The following CACNA1A variants were observed in gnomAD, a reference collection of about 807,000 sequenced individuals.
CACNA1A encodes calcium voltage-gated channel subunit alpha1 A, also known as voltage-dependent P/Q-type calcium channel subunit alpha-1A.
Under a neutral mutation model 262.4 loss-of-function variants are expected in CACNA1A, and 57 were observed. That is an observed-to-expected ratio of 0.22 (90% CI 0.18 to 0.27). The LOEUF (loss-of-function observed/expected upper bound fraction) is 0.27, where lower values mean the gene tolerates loss of function less well. Among genes scored for constraint, CACNA1A ranks in the 10% least tolerant of loss-of-function variants. CACNA1A has a pLI of 1.00. For missense variants in CACNA1A, 2,526 were observed against 3,562.8 expected, an observed-to-expected ratio of 0.71 and a Z score of 7.41; for synonymous variants, 1,431 against 1,419.3, an observed-to-expected ratio of 1.01 and a Z score of -0.18.
chr19:13,418,177 T>C (rs902792071), intron 3 of CACNA1A, among the ~76,000 whole-genome samples: 11 of 152,124 alleles, frequency 7.2e-5, no homozygotes, highest in Non-Finnish European at 1.5e-4. Flanking sequence ...GTTTTCCCCA[T>C]AGAGAGAAGA....
intron 24 of CACNA1A, among the ~76,000 whole-genome samples, chr19:13,267,280 C>T (rs2056886232): frequency 6.6e-6 from 1 of 152,194 alleles, no homozygotes; most frequent in African/African-American, 2.4e-5. Context: ...ACACACGCAC[C>T]CCTGAGCACC....
At chr19:13,220,843 C>T (rs894140394) in intron 38 of CACNA1A, among the ~76,000 whole-genome samples, 3 of 152,142 alleles carry the variant, frequency 2.0e-5, no homozygotes, top group African/African-American at 7.2e-5. Flanking sequence ...CCAGGCTGAT[C>T]TTGAACTCCT....
chr19:13,311,169 A>G (rs1446754237), intron 12 of CACNA1A, among the ~76,000 whole-genome samples: 1 of 152,210 alleles, frequency 6.6e-6, no homozygotes, highest in Non-Finnish European at 1.5e-5. Flanking sequence ...AGCTCACTGC[A>G]GCCTCAAACT....
chr19:13,268,219 C>A (rs939567936), intron 24 of CACNA1A, among the ~76,000 whole-genome samples: 2 of 152,112 alleles, frequency 1.3e-5, no homozygotes, highest in African/African-American at 4.8e-5. Context: ...AACTCTGAAG[C>A]CCTCTGAGCA....
intron 3 of CACNA1A, among the ~76,000 whole-genome samples, chr19:13,429,828 C>G (rs1178874952): frequency 2.6e-5 from 4 of 151,638 alleles, no homozygotes; most frequent in Non-Finnish European, 5.9e-5. Context: ...ATGGATGAGA[C>G]TGGAGGACAT....
intron 24 of CACNA1A, among the ~76,000 whole-genome samples, chr19:13,267,008 G>A (rs184769894): frequency 2.6e-5 from 4 of 152,256 alleles, no homozygotes; most frequent in East Asian, 3.9e-4. Context: ...TGCCTCCTTC[G>A]CAGGGAGTGA....
intron 3 of CACNA1A, among the ~76,000 whole-genome samples, chr19:13,381,257 G>A (rs1294222248): frequency 6.6e-6 from 1 of 152,066 alleles, no homozygotes; most frequent in Non-Finnish European, 1.5e-5. Context: ...AATGGGCGGG[G>A]CATTGTGGTG....
intron 3 of CACNA1A, among the ~76,000 whole-genome samples, chr19:13,421,839 G>A (rs1050474832): frequency 2.0e-5 from 3 of 152,160 alleles, no homozygotes; most frequent in African/African-American, 7.2e-5. Flanking sequence ...ATTAAAACAG[G>A]TGCTCTCTGG....
chr19:13,503,322 C>G (rs1982611030), intron 1 of CACNA1A, among the ~76,000 whole-genome samples: 1 of 152,068 alleles, frequency 6.6e-6, no homozygotes, highest in Non-Finnish European at 1.5e-5. Context: ...TTCCAGGGCA[C>G]TGATCGGGAC....
chr19:13,497,875 AGAG>A (rs1981877813), intron 1 of CACNA1A, among the ~76,000 whole-genome samples: 1 of 151,988 alleles, frequency 6.6e-6, no homozygotes, highest in Non-Finnish European at 1.5e-5. Context: ...CCCGTTTTAC[AGAG>A]GAGAAGACTG....
chr19:13,496,096 A>C (rs11878882), intron 1 of CACNA1A, among the ~76,000 whole-genome samples: 117,442 of 151,834 alleles, frequency 0.77, 46,280 homozygotes, highest in East Asian at 0.97. Flanking sequence ...ATCCACCCAG[A>C]CATCCAACAC....
intron 3 of CACNA1A, among the ~76,000 whole-genome samples, chr19:13,445,914 C>G (rs7254385): frequency 6.6e-6 from 1 of 152,038 alleles, no homozygotes; most frequent in Non-Finnish European, 1.5e-5. Flanking sequence ...GTGGTCCACA[C>G]AAAATGAATC....
At chr19:13,270,813 A>C (rs1421562183) in intron 24 of CACNA1A, among the ~76,000 whole-genome samples, 1 of 152,128 alleles carries the variant, frequency 6.6e-6, no homozygotes, top group African/African-American at 2.4e-5. Flanking sequence ...CGGCCATGAT[A>C]TAAAGATGCT....
intron 5 of CACNA1A, chr19:13,364,910 G>T (rs1187979354): frequency 6.5e-6 from 1 of 153,828 alleles, no homozygotes; most frequent in African/African-American, 2.4e-5. Flanking sequence ...CAAAGTGCTG[G>T]GATTACAGGC....
chr19:13,455,179 T>G lies in CACNA1A; in HGVS notation c.327A>C (p.Ile109=). ...CCAGTGCGAGGACGATGCAATTCGC[T>G]ATGATGGTGGCTAAAATCATATATT... ...PFEYMILATI[I]ANCIVLALEQ... is the part of the protein sequence containing the mutation. The change falls in exon 2 of 47, where the codon ATA becomes ATC. Residue 109 remains isoleucine (I), a synonymous_variant. Coordinates refer to ENST00000360228, the MANE Select transcript of CACNA1A (RefSeq NM_001127222.2). 1 of 1,611,704 alleles carries G rather than the reference T, an allele frequency of 6.2e-7. No individual in the cohort carries two copies. Among genetic ancestry groups the G allele is most frequent in the South Asian group, 1.1e-5 (1 of 91,044 alleles).
rs1462484483 is a variant in CACNA1A, at chr19:13,215,610, G to A, written c.5732-1002C>T. On this transcript the variant is annotated intron_variant, in intron 38 of 46. Transcript: ENST00000360228. ...CTGGCGATTACATGCGTGAGCCACCGCGTCTGGCCTGTTTTTTTTTTTTTT... is the reference window on the plus strand; with the variant it reads ...CTGGCGATTACATGCGTGAGCCACCACGTCTGGCCTGTTTTTTTTTTTTTT... 4.3e-5 allele frequency among the ~76,000 whole-genome samples: 6 copies of A among 140,388 alleles called. No individual in the cohort carries two copies. The East Asian group carries it at 6.7e-4, about 16-fold the overall frequency. The allele number at this position is 140,388 out of a possible 152,430, so 92.1% of individuals were successfully genotyped here.
intron 11 of CACNA1A, chr19:13,315,653 G>A (rs933515464): frequency 3.3e-5 from 5 of 152,314 alleles, no homozygotes; most frequent in African/African-American, 1.2e-4. Context: ...TCAGGGCCCT[G>A]GGAAGGAGAA....
chr19:13,450,159 A>AG (rs1422360499), intron 3 of CACNA1A, among the ~76,000 whole-genome samples: 1 of 151,540 alleles, frequency 6.6e-6, no homozygotes, highest in Non-Finnish European at 1.5e-5. Context: ...AAAAAAAAAA[A>AG]AAAGAGAAAG....
chr19:13,466,700 A>C (rs541959728), intron 1 of CACNA1A, among the ~76,000 whole-genome samples: 73 of 151,646 alleles, frequency 4.8e-4, no homozygotes, highest in Middle Eastern at 3.4e-3. Context: ...TAATAATAAT[A>C]ATAATCATCA....
Sources: gnomAD v4.1 joint callset for allele counts (sites outside exome capture counted in the v4.1 genomes callset) on GRCh38, gnomAD v4.1.1 for gene constraint, MANE v1.5 for transcripts, NCBI Gene and HGNC (gene_info 2026-07-23, HGNC 2026-07-21) for gene names.